PACRG: variants seen among roughly 807,000 people sequenced by gnomAD.
PACRG encodes parkin coregulated.
In PACRG, 29 loss-of-function variants were observed where a neutral mutation model predicts 29.7. The observed-to-expected ratio is 0.98, with a 90% CI of 0.73 to 1.33. The LOEUF is 1.33. Among genes scored for constraint, PACRG ranks in the 40% most tolerant of loss-of-function variants. The probability of loss-of-function intolerance (pLI) is 0.00; values close to 1 mark genes in which losing one functional copy is unlikely to be tolerated. For synonymous variants in PACRG, 116 were observed against 118.7 expected (o/e 0.98, Z 0.15); for missense variants, 279 against 316.2 (o/e 0.88, Z 0.89).
At position 163,062,313 on chromosome 6, in the gene PACRG, C is replaced by T. The variant is rs756074503; in HGVS notation, c.455C>T (p.Pro152Leu). The T allele has an allele frequency of 3.4e-5, 55 of 1,607,686 alleles. No individual in the cohort carries two copies. The highest frequency in any genetic ancestry group is 6.9e-5 in the Admixed American group (4 of 58,270). Residue 152 changes from proline (P) to leucine (L), a missense_variant, in exon 3 of 5, where the codon CCG (proline) becomes CTG (leucine). Physicochemically the swap from Pro to Leu is moderately conservative, Grantham distance 98 (BLOSUM62 -3). Coordinates refer to ENST00000366888, the MANE Select transcript of PACRG (RefSeq NM_001080379.2). ...CCTGTCCTTCCACAGCTCATTATCC[C>T]GATAAAAAGTAAGTGAACCGGTGAA... ...ILPVLPQLII[P>L]IKNALNLRNR... is the part of the protein sequence containing the mutation.
intron 2 of PACRG, among the ~76,000 whole-genome samples, chr6:163,010,122 A>C (rs946030205): frequency 2.0e-5 from 3 of 150,634 alleles, no homozygotes; most frequent in Non-Finnish European, 3.0e-5. Flanking sequence ...AACATGCTAC[A>C]GTACAGGGCC....
chr6:162,996,564 A>G (rs1804077130), intron 2 of PACRG, among the ~76,000 whole-genome samples: 1 of 152,190 alleles, frequency 6.6e-6, no homozygotes, highest in Non-Finnish European at 1.5e-5. Context: ...TAATTAAATT[A>G]TGATGAATCC....
intron 4 of PACRG, among the ~76,000 whole-genome samples, chr6:163,113,321 G>A (rs1339538743): frequency 6.6e-5 from 10 of 152,104 alleles, no homozygotes; most frequent in South Asian, 2.1e-4. Flanking sequence ...GAGAGAAAGC[G>A]GTAGAGAAGT....
At chr6:162,877,153 C>T (rs1239678967) in intron 2 of PACRG, among the ~76,000 whole-genome samples, 1 of 152,116 alleles carries the variant, frequency 6.6e-6, no homozygotes, top group Non-Finnish European at 1.5e-5. Context: ...TATTGCAGCA[C>T]TATTTACAAT....
chr6:163,255,464 G>C (rs761281174), intron 4 of PACRG, among the ~76,000 whole-genome samples: 3 of 152,154 alleles, frequency 2.0e-5, no homozygotes, highest in Non-Finnish European at 4.4e-5. Flanking sequence ...GAGGAGGTCT[G>C]TGCATGGGGC....
At chr6:163,121,218 A>G (rs533669987) in intron 4 of PACRG, among the ~76,000 whole-genome samples, 1 of 152,340 alleles carries the variant, frequency 6.6e-6, no homozygotes, top group Non-Finnish European at 1.5e-5. Context: ...GTTGTGAAGA[A>G]CAAATATTAT....
chr6:162,798,149 G>A (rs1257150183), intron 1 of PACRG, among the ~76,000 whole-genome samples: 1 of 152,108 alleles, frequency 6.6e-6, no homozygotes, highest in African/African-American at 2.4e-5. Context: ...TATTTAAAGT[G>A]GGCTTCTGGG....
chr6:163,173,143 G>C (rs542403009), intron 4 of PACRG, among the ~76,000 whole-genome samples: 1 of 152,310 alleles, frequency 6.6e-6, no homozygotes, highest in East Asian at 1.9e-4. Context: ...GAGTGGCAAT[G>C]ATGGCTATTT....
rs1372911242 is a variant in PACRG at position 162,883,269 on chromosome 6, AG to A, written c.291+68990del. ...AAACTGTCTGGCACATGAAATATCC[AG>A]GAAAGAGTTTTCCTTTCAGCTCTCA... On this transcript the variant is annotated intron_variant, in intron 2 of 4. Transcript: ENST00000366888. Among the ~76,000 whole-genome samples, 3 of 152,222 alleles carry A rather than the reference AG, an allele frequency of 2.0e-5. No individual in the cohort carries two copies. In the South Asian group the frequency reaches 6.2e-4, roughly 32 times the overall value.
At chr6:163,082,978 T>C (rs1161755595) in intron 3 of PACRG, among the ~76,000 whole-genome samples, 2 of 152,188 alleles carry the variant, frequency 1.3e-5, no homozygotes, top group Non-Finnish European at 2.9e-5. Context: ...TTTTATGGCT[T>C]TTAGGTTTAT....
intron 2 of PACRG, among the ~76,000 whole-genome samples, chr6:162,981,305 A>ATATATATTTTTTTTTTT (rs925663285): frequency 6.0e-4 from 89 of 149,158 alleles, no homozygotes; most frequent in African/African-American, 2.1e-3. Context: ...ATATATATAT[A>ATATATATTTTTTTTTTT]TTTACAATGG....
At chr6:162,905,761 C>T (rs971727589) in intron 2 of PACRG, among the ~76,000 whole-genome samples, 7 of 152,212 alleles carry the variant, frequency 4.6e-5, no homozygotes, top group Admixed American at 1.3e-4. Context: ...GGGAGCTGCC[C>T]GAAGCACTCT....
chr6:162,727,575 G>C (rs1057350942), upstream of PACRG: 1 of 1,380,268 alleles, frequency 7.2e-7, no homozygotes, highest in African/African-American at 1.4e-5. Flanking sequence ...TTGGCACCGG[G>C]GGTCCTGGTC....
intron 1 of PACRG, among the ~76,000 whole-genome samples, chr6:162,738,630 A>G (rs1366165943): frequency 6.6e-6 from 1 of 152,160 alleles, no homozygotes; most frequent in African/African-American, 2.4e-5. Context: ...TTCAAAAGGC[A>G]TAGCACTATA....
At position 163,018,796 on chromosome 6, in the gene PACRG, G is replaced by T. The variant is rs533694418; in HGVS notation, c.292-43354G>T. On this transcript the variant is annotated intron_variant, in intron 2 of 4. Transcript: ENST00000366888. ...GAGTTTAATATGTCAGCACTATTCTGTTCCGTTGCTTTGAGCTTCTTGTTT... is the reference window on the plus strand; with the variant it reads ...GAGTTTAATATGTCAGCACTATTCTTTTCCGTTGCTTTGAGCTTCTTGTTT... 6.1e-4 allele frequency among the ~76,000 whole-genome samples: 90 copies of T among 147,854 alleles called. 3 individuals carry two copies. In the East Asian group the frequency reaches 0.018, roughly 29 times the overall value.
intron 2 of PACRG, among the ~76,000 whole-genome samples, chr6:163,029,629 T>C (rs1330142434): frequency 1.3e-5 from 2 of 152,232 alleles, no homozygotes; most frequent in African/African-American, 2.4e-5. Context: ...TTTCTACCTC[T>C]TGAGACAAAA....
At chr6:163,290,276 G>A (rs920554560) in intron 4 of PACRG, among the ~76,000 whole-genome samples, 1 of 127,712 alleles carries the variant, frequency 7.8e-6, no homozygotes, top group East Asian at 2.9e-4. Context: ...ACGCGCGCGC[G>A]CGCACACACA....
chr6:163,163,728 A>C lies in PACRG; in HGVS notation c.613+74320A>C, dbSNP rs866082841. On this transcript the variant is annotated intron_variant, in intron 4 of 4. Coordinates refer to ENST00000366888, the MANE Select transcript of PACRG (RefSeq NM_001080379.2). ...ATGAGTCATTCAAAAAGTGTTCAGT[A>C]GCATATTAAATATTGAGATTATTAA... Among the ~76,000 whole-genome samples the C allele has an allele frequency of 5.3e-5, 8 of 152,246 alleles. 1 individual carries two copies. In the South Asian group the frequency reaches 1.2e-3, roughly 24 times the overall value.
At chr6:162,898,322 TC>T (rs1795314612) in intron 2 of PACRG, among the ~76,000 whole-genome samples, 1 of 152,152 alleles carries the variant, frequency 6.6e-6, no homozygotes. Context: ...CTTGAGTATG[TC>T]CTGAGAGACT....
Sources: gnomAD v4.1 joint callset for allele counts (sites outside exome capture counted in the v4.1 genomes callset) on GRCh38, gnomAD v4.1.1 for gene constraint, MANE v1.5 for transcripts, NCBI Gene and HGNC (gene_info 2026-07-23, HGNC 2026-07-21) for gene names.